Variants in PTPRD observed in about 807,000 individuals in gnomAD.
PTPRD encodes receptor-type tyrosine-protein phosphatase delta.
A neutral mutation model predicts 214.5 loss-of-function variants in PTPRD; 34 were observed. The observed-to-expected ratio is 0.16, with a 90% CI of 0.12 to 0.21. PTPRD has a LOEUF of 0.21. Among genes scored for constraint, PTPRD ranks in the 10% least tolerant of loss-of-function variants. PTPRD has a pLI of 1.00. For missense variants in PTPRD, 2,545 were observed against 2,398.7 expected (o/e 1.06, Z -1.27); for synonymous variants, 1,128 against 845.7 (o/e 1.33, Z -5.79).
In PTPRD at chr9:9,780,200, A is replaced by T. The variant is rs190467948; in HGVS notation, c.-367-13349T>A. ...GTATTCTCACTTATAAGTGGGAGCT[A>T]AACATTGAACACACATCAACATAAA... On this transcript the variant is annotated intron_variant, in intron 5 of 45. Transcript: ENST00000381196. Among the ~76,000 whole-genome samples the T allele has an allele frequency of 1.2e-4, 18 of 152,292 alleles. No individual in the cohort carries two copies. The East Asian group carries it at 3.5e-3, about 29-fold the overall frequency.
intron 2 of PTPRD, among the ~76,000 whole-genome samples, chr9:10,405,229 G>A (rs2098334183): frequency 6.6e-6 from 1 of 151,660 alleles, no homozygotes; most frequent in Non-Finnish European, 1.5e-5. Context: ...TCTTAATAGA[G>A]AGAATTTTGC....
At chr9:10,523,616 T>TAGAGAGAGAGAG (rs1273686911) in intron 2 of PTPRD, among the ~76,000 whole-genome samples, 4 of 100,634 alleles carry the variant, frequency 4.0e-5, no homozygotes, top group African/African-American at 1.2e-4. Context: ...TATATATATA[T>TAGAGAGAGAGAG]ATATATAGAC....
intron 11 of PTPRD, among the ~76,000 whole-genome samples, chr9:8,925,624 G>A (rs1342338560): frequency 6.9e-6 from 1 of 144,422 alleles, no homozygotes; most frequent in Non-Finnish European, 1.5e-5. Flanking sequence ...TCTGCATGGA[G>A]ATCCTCAAAA....
At chr9:10,191,997 G>C (rs978195624) in intron 3 of PTPRD, among the ~76,000 whole-genome samples, 4 of 152,102 alleles carry the variant, frequency 2.6e-5, no homozygotes, top group Admixed American at 2.6e-4. Context: ...TGAATTATTA[G>C]AAATTGTTTT....
intron 14 of PTPRD, among the ~76,000 whole-genome samples, chr9:8,596,041 C>A (rs1195254508): frequency 2.6e-5 from 4 of 152,058 alleles, no homozygotes; most frequent in Admixed American, 2.6e-4. Context: ...GTCTTAAAGG[C>A]ACAGGTATCA....
intron 14 of PTPRD, among the ~76,000 whole-genome samples, chr9:8,569,007 C>T (rs1411298189): frequency 1.3e-5 from 2 of 152,172 alleles, no homozygotes; most frequent in East Asian, 1.9e-4. Context: ...AAAAACACAT[C>T]TGACTTTAAA....
chr9:9,103,912 G>C (rs1022435985), intron 10 of PTPRD, among the ~76,000 whole-genome samples: 5 of 152,130 alleles, frequency 3.3e-5, no homozygotes, highest in African/African-American at 9.7e-5. Context: ...AGCCTTGGGA[G>C]GCAGAGGTTG....
chr9:8,554,917 G>C (rs1373069042), intron 14 of PTPRD, among the ~76,000 whole-genome samples: 5 of 151,360 alleles, frequency 3.3e-5, no homozygotes, highest in Non-Finnish European at 7.4e-5. Flanking sequence ...CCATCAAGTT[G>C]AAACTTAAGT....
chr9:8,574,553 A>G (rs889703874), intron 14 of PTPRD, among the ~76,000 whole-genome samples: 5 of 152,072 alleles, frequency 3.3e-5, no homozygotes, highest in African/African-American at 7.2e-5. Flanking sequence ...ATAGCAAAAT[A>G]TAAGTATCAA....
At chr9:9,607,762 AT>A (rs961884105) in intron 7 of PTPRD, among the ~76,000 whole-genome samples, 50 of 148,218 alleles carry the variant, frequency 3.4e-4, no homozygotes, top group Non-Finnish European at 6.5e-4. Flanking sequence ...AAAAAAAAAA[AT>A]TCATTGGCAG....
rs747106403 is a variant in PTPRD, at chr9:9,313,742, A to T, written c.-203+83707T>A. Among the ~76,000 whole-genome samples, 41 of 152,268 alleles carry T rather than the reference A, an allele frequency of 2.7e-4. 1 individual carries two copies. Among genetic ancestry groups the T allele is most frequent in the Middle Eastern group, 3.4e-3 (1 of 294 alleles). ...TTCTGATAAAAATTTATTCAAACCA[A>T]TGCCTCAGTCCACAGGCAAAGAATA... On this transcript the variant is annotated intron_variant, in intron 9 of 45. Transcript: ENST00000381196.
intron 7 of PTPRD, among the ~76,000 whole-genome samples, chr9:9,602,348 G>A (rs1450697052): frequency 6.6e-6 from 1 of 151,868 alleles, no homozygotes; most frequent in Non-Finnish European, 1.5e-5. Context: ...AACAACTACA[G>A]ATCCCTCTAA....
At chr9:9,843,478 A>G (rs1242891013) in intron 5 of PTPRD, among the ~76,000 whole-genome samples, 2 of 151,930 alleles carry the variant, frequency 1.3e-5, no homozygotes, top group East Asian at 1.9e-4. Flanking sequence ...GTTTACCTAT[A>G]TAAGAAAATT....
chr9:9,475,890 T>C (rs1025163583), intron 8 of PTPRD, among the ~76,000 whole-genome samples: 11 of 152,288 alleles, frequency 7.2e-5, no homozygotes, highest in African/African-American at 2.4e-4. Flanking sequence ...TTGGCCTATG[T>C]TATATATAAA....
chr9:9,468,655 T>C (rs2094387275), intron 8 of PTPRD, among the ~76,000 whole-genome samples: 1 of 152,142 alleles, frequency 6.6e-6, no homozygotes, highest in Admixed American at 6.5e-5. Flanking sequence ...AGTACTTTTT[T>C]TGTTAGTTCA....
intron 7 of PTPRD, among the ~76,000 whole-genome samples, chr9:9,662,125 G>C (rs547320717): frequency 1.2e-4 from 18 of 151,728 alleles, no homozygotes; most frequent in African/African-American, 4.3e-4. Flanking sequence ...TGAGAGTAAA[G>C]AACTGTGTAA....
chr9:9,425,115 G>A (rs2080314024), intron 8 of PTPRD, among the ~76,000 whole-genome samples: 3 of 152,134 alleles, frequency 2.0e-5, no homozygotes, highest in East Asian at 1.9e-4. Flanking sequence ...GTCTAATCAT[G>A]ACAGACCATA....
At chr9:9,274,250 T>C (rs1944093407) in intron 9 of PTPRD, among the ~76,000 whole-genome samples, 1 of 151,358 alleles carries the variant, frequency 6.6e-6, no homozygotes, top group Admixed American at 6.6e-5. Flanking sequence ...TCTTGTGTTT[T>C]ACTATGTTTG....
intron 26 of PTPRD, 34 bp from the exon 27 acceptor site, chr9:8,493,013 A>T (rs2097182093): frequency 1.3e-6 from 2 of 1,539,966 alleles, no homozygotes; most frequent in Middle Eastern, 3.5e-4. Flanking sequence ...ACTGATTCAA[A>T]ACATGCTACT....
Sources: gnomAD v4.1 joint callset for allele counts (sites outside exome capture counted in the v4.1 genomes callset) on GRCh38, gnomAD v4.1.1 for gene constraint, MANE v1.5 for transcripts, NCBI Gene and HGNC (gene_info 2026-07-23, HGNC 2026-07-21) for gene names.